GIGYF1: variants seen among roughly 807,000 people sequenced by gnomAD.
GIGYF1 encodes the protein GRB10 interacting GYF protein 1.
A neutral mutation model predicts 147.1 loss-of-function variants in GIGYF1; 84 were observed. The observed-to-expected ratio is 0.57, with a 90% confidence interval of 0.48 to 0.68. The LOEUF (loss-of-function observed/expected upper bound fraction) is 0.68. GIGYF1 is among the 30% of genes least tolerant of loss of function. GIGYF1 has a pLI of 0.00. For missense variants in GIGYF1, 1,485 were observed against 1,393.7 expected, an observed-to-expected ratio of 1.07 and a Z score of -1.04; for synonymous variants, 752 against 589.5, an observed-to-expected ratio of 1.28 and a Z score of -3.99.
intron 9 of GIGYF1, 79 bp downstream of exon 9, chr7:100,686,927 C>T (rs774093180): frequency 2.8e-5 from 45 of 1,605,816 alleles, no homozygotes; most frequent in Admixed American, 1.5e-4. Flanking sequence ...CCAACACCTC[C>T]GAAATAAGCA....
rs761933049 is a variant in GIGYF1, at chr7:100,686,757, C to T, written c.586G>A (p.Glu196Lys). 32 of 1,613,914 alleles carry T rather than the reference C, an allele frequency of 2.0e-5. No homozygotes were observed. The highest frequency in any genetic ancestry group is 2.1e-5 in the Non-Finnish European group (25 of 1,180,022). The change falls in exon 10 of 27, where the codon GAG becomes AAG. Residue 196 changes from glutamate to lysine, a missense_variant. Coordinates refer to ENST00000678049, the MANE Select transcript of GIGYF1 (RefSeq NM_001375765.1). The part of the protein sequence containing the change: ...PRKEHARSDS[E>K]NWRSLREEQE... ...TCCTCCCGTAGGGAGCGCCAGTTCT[C>T]GCTGTCTGAGCGGGCGTGCTCCTTC...
Position 100,686,271 on chromosome 7 carries a change from T to A in GIGYF1, c.857A>T (p.Glu286Val). 1 of 1,614,038 alleles carries A rather than the reference T, an allele frequency of 6.2e-7. No individual in the cohort carries two copies. The highest frequency in any genetic ancestry group is 8.5e-7 in the Non-Finnish European group (1 of 1,179,992). Residue 286 changes from glutamate (E) to valine (V), a missense_variant, in exon 11 of 27, where the codon GAG (glutamate) becomes GTG (valine). Physicochemically the swap from Glu to Val is moderately radical, Grantham distance 121 (BLOSUM62 -2). Transcript: ENST00000678049. ...CCACTCTGGGAGCCCATCCTTGTCC[T>A]CCTCAAAGCCTTCAGGCGCTCGGCA... Reference protein sequence around the residue: ...RRCRAPEGFEEDKDGLPEWCL... With the variant: ...RRCRAPEGFEVDKDGLPEWCL...
At chr7:100,691,330 G>A (rs769159448) in intron 1 of GIGYF1, among the ~76,000 whole-genome samples, 11 of 152,144 alleles carry the variant, frequency 7.2e-5, no homozygotes, top group Non-Finnish European at 1.5e-4. Context: ...TCTGCGCCAC[G>A]AGCATGGGCA....
Position 100,684,335 on chromosome 7 carries a change from T to C in GIGYF1, c.1632A>G (p.Gly544=). The change falls in exon 17 of 27, where the codon GGA becomes GGG. Residue 544 remains glycine (G), a splice_region_variant and synonymous_variant. Coordinates refer to ENST00000678049, the MANE Select transcript of GIGYF1 (RefSeq NM_001375765.1). ...TCTTCAGCCGCTCCTGGTCCATGTTTCCCTGCTCAGGTGAGAGCTCGGCCA... is the reference window on the plus strand; with the variant it reads ...TCTTCAGCCGCTCCTGGTCCATGTTCCCCTGCTCAGGTGAGAGCTCGGCCA... ...APGPSPPPLL[G]NMDQERLKKQ... is the part of the protein sequence containing the mutation. 6.3e-7 allele frequency: 1 copy of C among 1,596,350 alleles called. No individual in the cohort carries two copies. Among genetic ancestry groups the C allele is most frequent in the South Asian group, 1.1e-5 (1 of 89,016 alleles).
chr7:100,682,882 C>G, intron 22 of GIGYF1, 105 bp from the exon 23 acceptor site: 1 of 1,309,418 alleles, frequency 7.6e-7, no homozygotes, highest in Non-Finnish European at 1.0e-6. Context: ...GTGAGGGCCA[C>G]AAGAGCTGTT....
rs746041578 is a variant in GIGYF1 at position 100,684,420 on chromosome 7, G to C, written c.1629+30C>G. On this transcript the variant is annotated intron_variant, in intron 16 of 26. Transcript: ENST00000678049. The stretch of plus-strand genomic sequence containing the variant: ...CTCCTGCCGGCACCCCTCACACCCT[G>C]TCCCTCCATGCAGGGGAGAAGCGGC... 20 of 1,610,384 alleles carry C rather than the reference G, an allele frequency of 1.2e-5. No individual in the cohort carries two copies. In the Admixed American group the frequency reaches 2.3e-4, roughly 19 times the overall value.
Position 100,688,036 on chromosome 7 carries a change from G to T in GIGYF1, c.110C>A (p.Ala37Asp). The change falls in exon 5 of 27, where the codon GCT becomes GAT. Residue 37 changes from alanine to aspartate, a missense_variant. Coordinates refer to ENST00000678049, the MANE Select transcript of GIGYF1 (RefSeq NM_001375765.1). ...PSPAMPKYKL[A>D]DYRYGREEML... Reference sequence around the variant, plus strand: ...TTCCTCTCGCCCATAACGGTAGTCAGCCAGCTTGTATTTGGGCATGGCAGG... The same window carrying T: ...TTCCTCTCGCCCATAACGGTAGTCATCCAGCTTGTATTTGGGCATGGCAGG... 1 of 1,613,656 alleles carries T rather than the reference G, an allele frequency of 6.2e-7. No homozygotes were observed. The highest frequency in any genetic ancestry group is 8.5e-7 in the Non-Finnish European group (1 of 1,179,796).
At position 100,684,431 on chromosome 7, in the gene GIGYF1, C is replaced by G. The variant is rs768488161; in HGVS notation, c.1629+19G>C. On this transcript the variant is annotated intron_variant, in intron 16 of 26. Coordinates refer to ENST00000678049, the MANE Select transcript of GIGYF1 (RefSeq NM_001375765.1). Reference sequence around the variant, plus strand: ...ACCCCTCACACCCTGTCCCTCCATGCAGGGGAGAAGCGGCTCACCAGCAGT... The same window carrying G: ...ACCCCTCACACCCTGTCCCTCCATGGAGGGGAGAAGCGGCTCACCAGCAGT... 4 of 1,611,526 alleles carry G rather than the reference C, an allele frequency of 2.5e-6. No individual in the cohort carries two copies. Among genetic ancestry groups the G allele is most frequent in the Admixed American group, 1.7e-5 (1 of 59,964 alleles).
chr7:100,683,708 G>A (rs1344748820), intron 19 of GIGYF1, 76 bp from the exon 20 acceptor site: 1 of 1,557,664 alleles, frequency 6.4e-7, no homozygotes, highest in Non-Finnish European at 8.9e-7. Context: ...CGCAGCAGTG[G>A]GCTCCCCAGC....
In GIGYF1 at chr7:100,683,530, G is replaced by A; in HGVS notation, c.2052+20C>T. 2 of 1,613,646 alleles carry A rather than the reference G, an allele frequency of 1.2e-6. No homozygotes were observed. On this transcript the variant is annotated intron_variant, in intron 20 of 26. Coordinates refer to ENST00000678049, the MANE Select transcript of GIGYF1 (RefSeq NM_001375765.1). ...TCCACCCTTCATTCCCAGGGCCTCAGCCCCAGGATGCCCACTCACTTTATG... is the reference window on the plus strand; with the variant it reads ...TCCACCCTTCATTCCCAGGGCCTCAACCCCAGGATGCCCACTCACTTTATG...
rs1805648413 is a variant in GIGYF1, at chr7:100,689,333, T to C, written c.-876A>G. ...GGAAGCAGCCTCTGGCACCATCAGG[T>C]GGAAATAAGGTCAGGGCAATGGAGG... On this transcript the variant is annotated 5_prime_UTR_variant, in exon 2 of 27. Transcript: ENST00000678049. 6.6e-6 allele frequency: 1 copy of C among 151,834 alleles called. No individual in the cohort carries two copies. The highest frequency in any genetic ancestry group is 1.5e-5 in the Non-Finnish European group (1 of 68,014). The allele number at this position is 151,834 out of a possible 1,614,324, so 9.4% of individuals were successfully genotyped here. A position where few individuals can be genotyped will look rare whatever the true frequency, so the allele number is the denominator to read the frequency against.
In GIGYF1 at chr7:100,682,229, A is replaced by G. The variant is rs1461771138; in HGVS notation, c.2768T>C (p.Met923Thr). Residue 923 changes from methionine to threonine, a missense_variant, in exon 25 of 27, where the codon ATG becomes ACG. Transcript: ENST00000678049. ...CACCTCCTTGAGGATCGCTACAGCCATGGGCACTGCAGGATGAGCGAAGGC... is the reference window on the plus strand; with the variant it reads ...CACCTCCTTGAGGATCGCTACAGCCGTGGGCACTGCAGGATGAGCGAAGGC... ...LSATGSLDVP[M>T]AVAILKEVES... 1 of 1,612,036 alleles carries G rather than the reference A, an allele frequency of 6.2e-7. No homozygotes were observed. The highest frequency in any genetic ancestry group is 8.5e-7 in the Non-Finnish European group (1 of 1,179,786).
At position 100,687,403 on chromosome 7, in the gene GIGYF1, C is replaced by G; in HGVS notation, c.377G>C (p.Arg126Pro). The G allele has an allele frequency of 6.2e-7, 1 of 1,613,320 alleles. No homozygotes were observed. Among genetic ancestry groups the G allele is most frequent in the Non-Finnish European group, 8.5e-7 (1 of 1,179,936 alleles). Residue 126 changes from arginine (R) to proline (P), a missense_variant, in exon 8 of 27, where the codon CGC becomes CCC. Physicochemically the swap from Arg to Pro is moderately radical, Grantham distance 103. Transcript: ENST00000678049. ...GTAAAAGCAGCTGTCACCACGGCCG[C>G]GGCCTAGAGAAGAGGCCAGACGCAC... is the stretch of plus-strand genomic sequence containing the variant. ...RGRGSTRSRG[R>P]GRGDSCFYQR...
intron 22 of GIGYF1, 40 bp downstream of exon 22, chr7:100,682,972 A>T: frequency 7.0e-7 from 1 of 1,433,086 alleles, no homozygotes; most frequent in South Asian, 1.4e-5. Flanking sequence ...GCCACCCTGG[A>T]AACTGTAGGG....
Position 100,686,380 on chromosome 7 carries a change from A to ACTT in GIGYF1, c.745_747dup (p.Lys249dup). 6.2e-7 allele frequency: 1 copy of ACTT among 1,610,678 alleles called. No homozygotes were observed. The highest frequency in any genetic ancestry group is 8.5e-7 in the Non-Finnish European group (1 of 1,178,376). On this transcript the variant is annotated inframe_insertion, in exon 11 of 27. Transcript: ENST00000678049. The stretch of plus-strand genomic sequence containing the variant: ...CGATCCCCTCGCAAATCAAATTCAA[A>ACTT]CTTGCGCCGCCGTTCCCCATGTTCC...
In GIGYF1 at chr7:100,683,066, G is replaced by C. The variant is rs1340985197; in HGVS notation, c.2358C>G (p.His786Gln). Residue 786 changes from histidine (H) to glutamine (Q), a missense_variant, in exon 22 of 27, where the codon CAC becomes CAG. His to Gln is a conservative substitution (Grantham distance 24). Coordinates refer to ENST00000678049, the MANE Select transcript of GIGYF1 (RefSeq NM_001375765.1). ...CTGGCTCCCGAGGTGGGGGCTGTTT[G>C]TGCAGCTGCCGCTCGCCCTCCAGCT... Reference protein sequence around the residue: ...ELQLEGERQLHKQPPPREPAR... With the variant: ...ELQLEGERQLQKQPPPREPAR... 6.3e-7 allele frequency: 1 copy of C among 1,578,902 alleles called. No individual in the cohort carries two copies. The highest frequency in any genetic ancestry group is 1.3e-5 in the African/African-American group (1 of 74,482).
intron 13 of GIGYF1, 81 bp downstream of exon 13, chr7:100,685,263 G>A: frequency 6.5e-7 from 1 of 1,535,842 alleles, no homozygotes; most frequent in Non-Finnish European, 8.8e-7. Flanking sequence ...TGAATGCCCT[G>A]TGTGCCCACC....
intron 1 of GIGYF1, among the ~76,000 whole-genome samples, chr7:100,690,357 C>T (rs914263417): frequency 2.0e-5 from 3 of 152,154 alleles, no homozygotes; most frequent in Admixed American, 6.5e-5. Flanking sequence ...GAAAAGGGAC[C>T]ACCTGGCCAG....
chr7:100,680,172 A>AG lies in GIGYF1; in HGVS notation c.*1546_*1547insC, dbSNP rs1187251867. Reference sequence around the variant, plus strand: ...CTAGTTGCCACTTTGGTGCAAAAAAAAAAAAAAAAAAAAAAAAATCCAACA... The same window carrying AG: ...CTAGTTGCCACTTTGGTGCAAAAAAAGAAAAAAAAAAAAAAAAAATCCAACA... On this transcript the variant is annotated 3_prime_UTR_variant, in exon 27 of 27. Coordinates refer to ENST00000678049, the MANE Select transcript of GIGYF1 (RefSeq NM_001375765.1). 4 of 150,990 alleles carry AG rather than the reference A, an allele frequency of 2.6e-5. No homozygotes were observed. The highest frequency in any genetic ancestry group is 2.6e-4 in the Admixed American group (4 of 15,172). 9.4% of individuals were successfully genotyped at this position (150,990 alleles called of 1,614,324 possible).
Sources: gnomAD v4.1 joint callset for allele counts (sites outside exome capture counted in the v4.1 genomes callset) on GRCh38, gnomAD v4.1.1 for gene constraint, MANE v1.5 for transcripts, NCBI Gene and HGNC (gene_info 2026-07-23, HGNC 2026-07-21) for gene names.